Variants in UGT1A8 observed in about 807,000 individuals in gnomAD.
The protein encoded by UGT1A8 is UDP-glucuronosyltransferase 1A8.
UGT1A8 carries 39 observed loss-of-function variants against 45.3 expected under a neutral mutation model. That is an observed-to-expected ratio of 0.86 (90% CI 0.67 to 1.12). UGT1A8 has a LOEUF of 1.12. Among genes scored for constraint, UGT1A8 ranks in the 50% most tolerant of loss-of-function variants. UGT1A8 has a pLI of 0.00. For missense variants in UGT1A8, 719 were observed against 664.9 expected, an observed-to-expected ratio of 1.08 and a Z score of -0.90; for synonymous variants, 275 against 249.2, an observed-to-expected ratio of 1.10 and a Z score of -0.97.
intron 1 of UGT1A8, among the ~76,000 whole-genome samples, chr2:233,692,512 G>A (rs2075099224): frequency 6.6e-6 from 1 of 152,154 alleles, no homozygotes; most frequent in Non-Finnish European, 1.5e-5. Flanking sequence ...TTAACCTGTG[G>A]GGTCCGTGCT....
chr2:233,702,396 T>TTATC (rs1241855388), intron 1 of UGT1A8, among the ~76,000 whole-genome samples: 1 of 152,220 alleles, frequency 6.6e-6, no homozygotes, highest in Non-Finnish European at 1.5e-5. Flanking sequence ...CCAGATCATG[T>TTATC]TATCTACAAA....
Position 233,693,543 on chromosome 2 carries a change from A to G in UGT1A8, c.856-73491A>G, listed in dbSNP as rs1029144011. 1.9e-6 allele frequency: 3 copies of G among 1,614,186 alleles called. No individual in the cohort carries two copies. The African/African-American group carries it at 4.0e-5, about 22-fold the overall frequency. On this transcript the variant is annotated intron_variant, in intron 1 of 4. Transcript: ENST00000373450. ...AGGGGTTTTCCGTGTTCCCTGGAGC[A>G]TACATTCAGCAGAAGCCCAGACCCT...
At chr2:233,712,536 G>A (rs888571538) in intron 1 of UGT1A8, among the ~76,000 whole-genome samples, 10 of 152,228 alleles carry the variant, frequency 6.6e-5, no homozygotes, top group African/African-American at 2.4e-4. Context: ...TTACCCATAT[G>A]TGGGAAGAAA....
intron 1 of UGT1A8, among the ~76,000 whole-genome samples, chr2:233,629,553 G>A (rs535719519): frequency 1.2e-4 from 18 of 152,052 alleles, no homozygotes; most frequent in African/African-American, 4.3e-4. Flanking sequence ...TAAAATTTTT[G>A]CATCTAAGCT....
At chr2:233,760,433 A>G (rs771774728) in intron 1 of UGT1A8, 1 of 1,614,234 alleles carries the variant, frequency 6.2e-7, no homozygotes, top group Non-Finnish European at 8.5e-7. Context: ...GCCATCCAGC[A>G]GCTGCAGCAG....
intron 1 of UGT1A8, among the ~76,000 whole-genome samples, chr2:233,624,231 T>C (rs770348239): frequency 6.6e-6 from 1 of 152,096 alleles, no homozygotes; most frequent in Non-Finnish European, 1.5e-5. Context: ...ACCTGAAATG[T>C]AGTCATCATG....
At chr2:233,682,696 G>A (rs201654358) in intron 1 of UGT1A8, 1 of 1,613,814 alleles carries the variant, frequency 6.2e-7, no homozygotes, top group Non-Finnish European at 8.5e-7. Flanking sequence ...TTTGGTTGTT[G>A]CGAACTGACT....
intron 1 of UGT1A8, among the ~76,000 whole-genome samples, chr2:233,745,064 T>C (rs1693002453): frequency 6.6e-6 from 1 of 151,912 alleles, no homozygotes; most frequent in Non-Finnish European, 1.5e-5. Flanking sequence ...TTTGTATTAT[T>C]TGTATTGTTT....
chr2:233,636,790 T>G, intron 1 of UGT1A8: 1 of 1,614,204 alleles, frequency 6.2e-7, no homozygotes. Context: ...GAACCGGGAA[T>G]TCATGGTTTT....
rs2074102357 is a variant in UGT1A8, at chr2:233,667,478, A to C, written c.855+48916A>C. Among the ~76,000 whole-genome samples, 3 of 152,350 alleles carry C rather than the reference A, an allele frequency of 2.0e-5. No homozygotes were observed. The South Asian group carries it at 6.2e-4, about 32-fold the overall frequency. On this transcript the variant is annotated intron_variant, in intron 1 of 4. Transcript: ENST00000373450. Reference sequence around the variant, plus strand: ...ATTCAGGACATAGGCATGGGCAAGGACTTCATGTCTAAAACACCAAAAGCA... The same window carrying C: ...ATTCAGGACATAGGCATGGGCAAGGCCTTCATGTCTAAAACACCAAAAGCA...
chr2:233,721,938 A>G (rs2076981722), intron 1 of UGT1A8: 13 of 361,422 alleles, frequency 3.6e-5, no homozygotes, highest in South Asian at 2.7e-4. Flanking sequence ...TCCTTCAGAC[A>G]CTTGGTGGCT....
chr2:233,772,893 C>A lies in UGT1A8; in HGVS notation c.*334C>A, dbSNP rs1248675472. 18 of 490,984 alleles carry A rather than the reference C, an allele frequency of 3.7e-5. No individual in the cohort carries two copies. In the East Asian group the frequency reaches 9.8e-4, roughly 27 times the overall value. 30.4% of individuals were successfully genotyped at this position (490,984 alleles called of 1,614,324 possible). A position where few individuals can be genotyped will look rare whatever the true frequency, so the allele number is the denominator to read the frequency against. ...TGGGAGTGCGGGATTCAAAGGTGGTCCCACGGCTGCCCCTACTGCAAATGG... is the reference window on the plus strand; with the variant it reads ...TGGGAGTGCGGGATTCAAAGGTGGTACCACGGCTGCCCCTACTGCAAATGG... On this transcript the variant is annotated 3_prime_UTR_variant, in exon 5 of 5. Transcript: ENST00000373450.
chr2:233,722,763 C>A (rs370007116), intron 1 of UGT1A8, among the ~76,000 whole-genome samples: 2 of 151,548 alleles, frequency 1.3e-5, no homozygotes, highest in African/African-American at 4.9e-5. Context: ...AAGGCTGTTA[C>A]CTAATTCTGA....
chr2:233,638,590 A>G (rs1320532741), intron 1 of UGT1A8, among the ~76,000 whole-genome samples: 3 of 152,214 alleles, frequency 2.0e-5, no homozygotes, highest in Non-Finnish European at 4.4e-5. Flanking sequence ...CTTGAAAAAT[A>G]CCAGAATAAG....
chr2:233,635,590 A>G (rs1436422707), intron 1 of UGT1A8, among the ~76,000 whole-genome samples: 4 of 150,646 alleles, frequency 2.7e-5, no homozygotes, highest in African/African-American at 7.4e-5. Flanking sequence ...ATTATATTTG[A>G]CCATGATATA....
intron 1 of UGT1A8, among the ~76,000 whole-genome samples, chr2:233,710,877 A>T (rs1019417253): frequency 6.6e-6 from 1 of 152,230 alleles, no homozygotes; most frequent in East Asian, 1.9e-4. Context: ...AAAGTTAAAC[A>T]GTTTAAGTTT....
intron 1 of UGT1A8, among the ~76,000 whole-genome samples, chr2:233,702,394 T>C (rs767929704): frequency 7.2e-5 from 11 of 152,332 alleles, no homozygotes; most frequent in Non-Finnish European, 1.5e-4. Context: ...TTCCAGATCA[T>C]GTTATCTACA....
rs1308296390 is a variant in UGT1A8, at chr2:233,618,114, A to T, written c.407A>T (p.Tyr136Phe). 2 of 1,613,998 alleles carry T rather than the reference A, an allele frequency of 1.2e-6. No homozygotes were observed. The highest frequency in any genetic ancestry group is 1.7e-5 in the Admixed American group (1 of 59,992). ...TTTAATGACCGAAAATTAGTAGAAT[A>T]CTTAAAGGAGAGTTCTTTTGATGCG... The part of the protein sequence containing the change: ...SLFNDRKLVE[Y>F]LKESSFDAVF... Residue 136 changes from tyrosine (Y) to phenylalanine (F), a missense_variant, in exon 1 of 5, where the codon TAC becomes TTC. Physicochemically the swap from Tyr to Phe is conservative, Grantham distance 22. Transcript: ENST00000373450.
chr2:233,762,228 C>T (rs1312160230), intron 1 of UGT1A8, among the ~76,000 whole-genome samples: 1 of 152,108 alleles, frequency 6.6e-6, no homozygotes, highest in Admixed American at 6.5e-5. Flanking sequence ...AATCTCAGCA[C>T]CTAAGGCACA....
Sources: gnomAD v4.1 joint callset for allele counts (sites outside exome capture counted in the v4.1 genomes callset) on GRCh38, gnomAD v4.1.1 for gene constraint, MANE v1.5 for transcripts, NCBI Gene and HGNC (gene_info 2026-07-23, HGNC 2026-07-21) for gene names.